RPTOR: variants seen among roughly 807,000 people sequenced by gnomAD.
RPTOR encodes regulatory-associated protein of mTOR.
A neutral mutation model predicts 169.9 loss-of-function variants in RPTOR; 21 were observed. The ratio of observed to expected loss-of-function variants is 0.12; its 90% CI spans 0.09 to 0.18. The LOEUF (loss-of-function observed/expected upper bound fraction) is 0.18. Among genes scored for constraint, RPTOR ranks in the 10% least tolerant of loss-of-function variants. The pLI, the probability that RPTOR is intolerant of heterozygous loss-of-function variation, is 1.00. For missense variants in RPTOR, 1,133 were observed against 1,855.9 expected (o/e 0.61, Z 7.16); for synonymous variants, 732 against 753.2 (o/e 0.97, Z 0.46).
At chr17:80,962,311 T>C in intron 31 of RPTOR, 150 bp from the exon 32 acceptor site, 1 of 666,298 alleles carries the variant, frequency 1.5e-6, no homozygotes. Flanking sequence ...CAGCCCTCAC[T>C]GGGGACGCTG....
At chr17:80,876,395 TC>T (rs766360205) in intron 13 of RPTOR, among the ~76,000 whole-genome samples, 2 of 41,094 alleles carry the variant, frequency 4.9e-5, no homozygotes, top group Non-Finnish European at 4.3e-5. Flanking sequence ...TGCCGTGTCT[TC>T]CCACCGAGCC....
At chr17:80,580,916 C>T (rs944549380) in intron 1 of RPTOR, among the ~76,000 whole-genome samples, 4 of 152,236 alleles carry the variant, frequency 2.6e-5, no homozygotes, top group Admixed American at 2.6e-4. Flanking sequence ...GCATGAGCCA[C>T]CATGCCTAGC....
chr17:80,862,966 C>T (rs1007871978), intron 13 of RPTOR, among the ~76,000 whole-genome samples: 3 of 152,242 alleles, frequency 2.0e-5, no homozygotes, highest in African/African-American at 7.2e-5. Flanking sequence ...TCGGAGCCCA[C>T]TCAGGCTGGG....
At chr17:80,841,772 C>T (rs571227112) in intron 10 of RPTOR, among the ~76,000 whole-genome samples, 67 of 143,068 alleles carry the variant, frequency 4.7e-4, no homozygotes, top group South Asian at 9.2e-4. Flanking sequence ...TCTCCCCGCA[C>T]GGCAGCTCAC....
chr17:80,743,831 T>G lies in RPTOR; in HGVS notation c.655-10179T>G, dbSNP rs1281783954. Among the ~76,000 whole-genome samples, 166 of 99,738 alleles carry G rather than the reference T, an allele frequency of 1.7e-3. 3 individuals carry two copies. The highest frequency in any genetic ancestry group is 4.7e-3 in the African/African-American group (136 of 28,706). The allele number at this position is 99,738 out of a possible 152,430, so 65.4% of individuals were successfully genotyped here. A position where few individuals can be genotyped will look rare whatever the true frequency, so the allele number is the denominator to read the frequency against. On this transcript the variant is annotated intron_variant, in intron 5 of 33. Coordinates refer to ENST00000306801, the MANE Select transcript of RPTOR (RefSeq NM_020761.3). ...TGGCTACTAGCAGAGCCCTGGCTAC[T>G]AGCACAGCCCTGGTTACTAGCAGAG...
intron 21 of RPTOR, among the ~76,000 whole-genome samples, chr17:80,914,186 G>T (rs1370137500): frequency 6.6e-6 from 1 of 152,274 alleles, no homozygotes; most frequent in Non-Finnish European, 1.5e-5. Context: ...GGGAGGTGTG[G>T]CCAGGGCCGT....
chr17:80,731,953 C>T (rs892638564), intron 5 of RPTOR, among the ~76,000 whole-genome samples: 3 of 152,038 alleles, frequency 2.0e-5, no homozygotes, highest in Non-Finnish European at 4.4e-5. Flanking sequence ...TGTGGTTTAT[C>T]CATGAAAAAG....
intron 3 of RPTOR, among the ~76,000 whole-genome samples, chr17:80,674,314 C>G (rs1408010106): frequency 6.6e-6 from 1 of 152,122 alleles, no homozygotes; most frequent in African/African-American, 2.4e-5. Flanking sequence ...CATGAAAACC[C>G]TTTGTACATT....
chr17:80,798,469 T>C (rs187528790), intron 7 of RPTOR, among the ~76,000 whole-genome samples: 2 of 152,220 alleles, frequency 1.3e-5, no homozygotes, highest in East Asian at 3.9e-4. Context: ...AGTTGCCTGC[T>C]CCTGCTTGGG....
At chr17:80,629,077 C>T (rs1470704764) in intron 2 of RPTOR, among the ~76,000 whole-genome samples, 9 of 130,144 alleles carry the variant, frequency 6.9e-5, no homozygotes, top group South Asian at 2.5e-4. Flanking sequence ...GACATTGTAC[C>T]GCAGCTCTTT....
At chr17:80,619,743 G>C (rs1270961727) in intron 1 of RPTOR, among the ~76,000 whole-genome samples, 1 of 152,140 alleles carries the variant, frequency 6.6e-6, no homozygotes, top group East Asian at 1.9e-4. Context: ...AAACCCTCCT[G>C]GGTGTGTTAA....
chr17:80,801,536 C>G (rs1284233852), intron 7 of RPTOR: 2 of 152,202 alleles, frequency 1.3e-5, no homozygotes, highest in Non-Finnish European at 2.9e-5. Context: ...GGGGGCAGCA[C>G]TCGTGTCAGA....
At chr17:80,733,265 CCTT>C (rs2066407078) in intron 5 of RPTOR, among the ~76,000 whole-genome samples, 2 of 152,120 alleles carry the variant, frequency 1.3e-5, no homozygotes, top group African/African-American at 4.8e-5. Context: ...ACTCAGTAAT[CCTT>C]CTTATATTTT....
chr17:80,558,121 G>A (rs2084434073), intron 1 of RPTOR, among the ~76,000 whole-genome samples: 1 of 151,810 alleles, frequency 6.6e-6, no homozygotes, highest in African/African-American at 2.4e-5. Context: ...GCAATGTGGT[G>A]AAACTCTGTC....
chr17:80,570,021 G>C (rs151089425), intron 1 of RPTOR, among the ~76,000 whole-genome samples: 1 of 152,066 alleles, frequency 6.6e-6, no homozygotes, highest in Non-Finnish European at 1.5e-5. Flanking sequence ...GCCCAGCTCC[G>C]TTTCTGCCTC....
intron 3 of RPTOR, among the ~76,000 whole-genome samples, chr17:80,665,412 C>T (rs71368074): frequency 2.2e-4 from 2 of 9,276 alleles, no homozygotes; most frequent in Non-Finnish European, 3.5e-4. Context: ...CCTTTCCTTT[C>T]CTTTCCTTTC....
chr17:80,945,823 C>A, intron 26 of RPTOR, 42 bp downstream of exon 26: 1 of 1,249,680 alleles, frequency 8.0e-7, no homozygotes, highest in Non-Finnish European at 1.1e-6. Context: ...GGCTGACCGA[C>A]AGCCCCAGCG....
chr17:80,833,914 G>A (rs536149011), intron 9 of RPTOR, among the ~76,000 whole-genome samples: 5 of 152,328 alleles, frequency 3.3e-5, no homozygotes, highest in South Asian at 2.1e-4. Flanking sequence ...ACTTGAACCC[G>A]GGAGGCGGAG....
chr17:80,633,087 C>T lies in RPTOR; in HGVS notation c.265+7294C>T, dbSNP rs2065454357. ...TGTTGAAATGACCGGCATGAGCTAC[C>T]ACACTAGGCCCATTTTTCATTTTGA... is the stretch of plus-strand genomic sequence containing the variant. On this transcript the variant is annotated intron_variant, in intron 2 of 33. Transcript: ENST00000306801. The surrounding 1 kb of genome is among the most constrained non-coding windows in gnomAD (Gnocchi z 4.1). Among the ~76,000 whole-genome samples, 2 of 152,158 alleles carry T rather than the reference C, an allele frequency of 1.3e-5. No homozygotes were observed. The highest frequency in any genetic ancestry group is 4.8e-5 in the African/African-American group (2 of 41,406).
Sources: gnomAD v4.1 joint callset for allele counts (sites outside exome capture counted in the v4.1 genomes callset) on GRCh38, gnomAD v4.1.1 for gene constraint, Gnocchi (gnomAD v3.1) non-coding constraint, MANE v1.5 for transcripts, NCBI Gene and HGNC (gene_info 2026-07-23, HGNC 2026-07-21) for gene names.